Variants in TMEM168 observed in about 807,000 individuals in gnomAD.
TMEM168 encodes the protein transmembrane protein 168.
In TMEM168, 40 loss-of-function variants were observed where a neutral mutation model predicts 53.2. The observed-to-expected ratio is 0.75, with a 90% CI of 0.58 to 0.98. The LOEUF is 0.98. Among genes scored for constraint, TMEM168 ranks in the 50% least tolerant of loss-of-function variants. The pLI, the probability that TMEM168 is intolerant of heterozygous loss-of-function variation, is 0.00. For synonymous variants in TMEM168, 282 were observed against 293.0 expected (o/e 0.96, Z 0.38); for missense variants, 771 against 828.8 (o/e 0.93, Z 0.86).
At chr7:112,786,110 G>C (rs1296596900) in intron 1 of TMEM168, among the ~76,000 whole-genome samples, 1 of 152,170 alleles carries the variant, frequency 6.6e-6, no homozygotes, top group Non-Finnish European at 1.5e-5. Flanking sequence ...GCTGAGACAG[G>C]AGAATCGCTT....
chr7:112,780,192 G>A (rs1021608250), intron 2 of TMEM168, among the ~76,000 whole-genome samples: 3 of 152,138 alleles, frequency 2.0e-5, no homozygotes, highest in African/African-American at 7.2e-5. Context: ...ATGTGTACAC[G>A]AATAAGTTAA....
At chr7:112,779,940 C>T (rs1261232209) in intron 2 of TMEM168, among the ~76,000 whole-genome samples, 2 of 152,140 alleles carry the variant, frequency 1.3e-5, no homozygotes, top group African/African-American at 4.8e-5. Flanking sequence ...TAAAGCCCAA[C>T]TAAGAAACAG....
intron 1 of TMEM168, among the ~76,000 whole-genome samples, chr7:112,787,411 G>C (rs926306627): frequency 6.6e-6 from 1 of 151,998 alleles, no homozygotes; most frequent in Non-Finnish European, 1.5e-5. Flanking sequence ...ACGGAGTCTC[G>C]CTCTGTTGTC....
chr7:112,774,182 G>C (rs1046475143), intron 3 of TMEM168, among the ~76,000 whole-genome samples: 1 of 152,078 alleles, frequency 6.6e-6, no homozygotes, highest in Non-Finnish European at 1.5e-5. Flanking sequence ...AAGGTAGTTA[G>C]CTATAAAATA....
At chr7:112,775,806 C>CT (rs1349122945) in intron 2 of TMEM168, among the ~76,000 whole-genome samples, 1 of 151,998 alleles carries the variant, frequency 6.6e-6, no homozygotes, top group Non-Finnish European at 1.5e-5. Context: ...ATTTAAGACC[C>CT]TAAAGCCATA....
At chr7:112,783,636 AATTATTG>A in intron 2 of TMEM168, 55 bp downstream of exon 2, 7 of 1,362,090 alleles carry the variant, frequency 5.1e-6, no homozygotes, top group Non-Finnish European at 6.7e-6. Flanking sequence ...CTTTAATTTC[AATTATTG>A]AAGCTAGCAT....
In TMEM168 at chr7:112,763,497, A is replaced by G. The variant is rs1462924045; in HGVS notation, c.*3700T>C. The G allele has an allele frequency of 6.6e-6, 1 of 152,180 alleles. No homozygotes were observed. The highest frequency in any genetic ancestry group is 1.5e-5 in the Non-Finnish European group (1 of 68,014). 9.4% of individuals were successfully genotyped at this position (152,180 alleles called of 1,614,324 possible). A position where few individuals can be genotyped will look rare whatever the true frequency, so the allele number is the denominator to read the frequency against. Reference sequence around the variant, plus strand: ...CAACATGTGTAAGCCTCTGCCTAAAAAGAGGTGACAGTCTAATAGTTTCCA... The same window carrying G: ...CAACATGTGTAAGCCTCTGCCTAAAGAGAGGTGACAGTCTAATAGTTTCCA... On this transcript the variant is annotated 3_prime_UTR_variant, in exon 5 of 5. Transcript: ENST00000312814.
At chr7:112,781,824 G>T (rs1196966297) in intron 2 of TMEM168, among the ~76,000 whole-genome samples, 7 of 151,852 alleles carry the variant, frequency 4.6e-5, no homozygotes, top group Non-Finnish European at 1.0e-4. Flanking sequence ...GTTGAGCAAA[G>T]AATTCTTAGA....
chr7:112,764,208 A>G lies in TMEM168; in HGVS notation c.*2989T>C, dbSNP rs1223201130. ...TGTTTTTTTTATTCTATTGAAAAAA[A>G]AGATGATGTTTTTAGAGCTAGTGGT... On this transcript the variant is annotated 3_prime_UTR_variant, in exon 5 of 5. Coordinates refer to ENST00000312814, the MANE Select transcript of TMEM168 (RefSeq NM_022484.6). 4.6e-5 allele frequency: 7 copies of G among 151,974 alleles called. No individual in the cohort carries two copies. The highest frequency in any genetic ancestry group is 8.8e-5 in the Non-Finnish European group (6 of 67,978). 9.4% of individuals were successfully genotyped at this position (151,974 alleles called of 1,614,324 possible).
At chr7:112,769,950 G>T (rs369301491) in intron 4 of TMEM168, among the ~76,000 whole-genome samples, 1 of 152,220 alleles carries the variant, frequency 6.6e-6, no homozygotes, top group Non-Finnish European at 1.5e-5. Flanking sequence ...TTCCCACAGC[G>T]ATATTAATAC....
chr7:112,767,860 T>G (rs1792828520), intron 4 of TMEM168, 116 bp from the exon 5 acceptor site: 7 of 890,340 alleles, frequency 7.9e-6, no homozygotes, highest in Non-Finnish European at 1.1e-5. Context: ...GTATTTTCCT[T>G]AAGTTCTTAG....
At chr7:112,770,999 A>T (rs550734518) in intron 4 of TMEM168, among the ~76,000 whole-genome samples, 1 of 152,282 alleles carries the variant, frequency 6.6e-6, no homozygotes, top group East Asian at 1.9e-4. Context: ...ATTTTAATTG[A>T]CTAAAAGCTT....
intron 2 of TMEM168, among the ~76,000 whole-genome samples, chr7:112,782,979 C>T (rs894975068): frequency 2.0e-5 from 3 of 152,210 alleles, no homozygotes; most frequent in Non-Finnish European, 2.9e-5. Flanking sequence ...TGAGATCTTC[C>T]GCACCCACTA....
At chr7:112,767,913 A>C (rs1034772368) in intron 4 of TMEM168, among the ~76,000 whole-genome samples, 169 bp from the exon 5 acceptor site, 7 of 152,220 alleles carry the variant, frequency 4.6e-5, no homozygotes, top group African/African-American at 1.7e-4. Flanking sequence ...TGACACTTTC[A>C]AAGTATCTTT....
chr7:112,778,953 A>ATCACGAT (rs1793160550), intron 2 of TMEM168, among the ~76,000 whole-genome samples: 1 of 152,168 alleles, frequency 6.6e-6, no homozygotes. Context: ...CAGCGGCATG[A>ATCACGAT]TCACGATTCA....
At chr7:112,768,980 G>A (rs1213287706) in intron 4 of TMEM168, among the ~76,000 whole-genome samples, 1 of 152,172 alleles carries the variant, frequency 6.6e-6, no homozygotes, top group African/African-American at 2.4e-5. Context: ...AGCAGCTATT[G>A]CTGGGTGTTT....
chr7:112,778,947 G>A (rs764279120), intron 2 of TMEM168, among the ~76,000 whole-genome samples: 5 of 152,082 alleles, frequency 3.3e-5, no homozygotes, highest in Non-Finnish European at 7.4e-5. Context: ...GGAGTGCAGC[G>A]GCATGATCAC....
rs35855244 is a variant in TMEM168, at chr7:112,764,807, CT to C, written c.*2389del. On this transcript the variant is annotated 3_prime_UTR_variant, in exon 5 of 5. Transcript: ENST00000312814. ...GCCACCATGCCTGGCTAAACATGTA[CT>C]TTTTTTTTTTTTTGAGACAAAGAAA... 56,004 of 129,632 alleles carry C rather than the reference CT, an allele frequency of 0.43. 13,820 individuals carry two copies. Among genetic ancestry groups the C allele is most frequent in the African/African-American group, 0.73 (26,453 of 36,108 alleles). The allele number at this position is 129,632 out of a possible 1,614,324, so 8.0% of individuals were successfully genotyped here.
At chr7:112,769,498 A>T (rs185161347) in intron 4 of TMEM168, among the ~76,000 whole-genome samples, 78 of 152,244 alleles carry the variant, frequency 5.1e-4, no homozygotes, top group African/African-American at 1.7e-3. Flanking sequence ...CTATTTCAAT[A>T]AACATTCTTG....
Sources: gnomAD v4.1 joint callset for allele counts (sites outside exome capture counted in the v4.1 genomes callset) on GRCh38, gnomAD v4.1.1 for gene constraint, MANE v1.5 for transcripts, NCBI Gene and HGNC (gene_info 2026-07-23, HGNC 2026-07-21) for gene names.